RBFOX1: variants seen among roughly 807,000 people sequenced by gnomAD.
RBFOX1 encodes RNA binding fox-1 homolog 1.
In RBFOX1, 8 loss-of-function variants were observed where a neutral mutation model predicts 57.7. The observed-to-expected ratio is 0.14, with a 90% confidence interval of 0.08 to 0.25. The LOEUF (loss-of-function observed/expected upper bound fraction) is 0.25. Ranked by LOEUF, RBFOX1 falls within the 10% of genes least tolerant of loss-of-function variation. The probability of loss-of-function intolerance (pLI) is 1.00; values close to 1 mark genes in which losing one functional copy is unlikely to be tolerated. For missense variants in RBFOX1, 611 were observed against 548.5 expected (o/e 1.11, Z -1.14); for synonymous variants, 326 against 222.4 (o/e 1.47, Z -4.15).
At chr16:7,602,763 T>C (rs1475407822) in intron 9 of RBFOX1, among the ~76,000 whole-genome samples, 1 of 152,164 alleles carries the variant, frequency 6.6e-6, no homozygotes, top group African/African-American at 2.4e-5. Context: ...GAATACCTTT[T>C]CCAACAGCTG....
intron 3 of RBFOX1, among the ~76,000 whole-genome samples, chr16:6,719,510 G>T (rs2065513797): frequency 6.6e-6 from 1 of 150,708 alleles, no homozygotes; most frequent in Admixed American, 6.6e-5. Flanking sequence ...GCATGATCTT[G>T]GCTCACTGTT....
rs2069394383 is a variant in RBFOX1 at position 5,478,078 on chromosome 16, C to T, written c.258+10824C>T. On this transcript the variant is annotated intron_variant, in intron 2 of 2. Coordinates refer to the RBFOX1 transcript ENST00000585867. ...ATGGAGCTGAAATTCTGTGTTCCTC[C>T]ACTTTCCTTGGAGAAGCAGATGACA... 2.0e-5 allele frequency among the ~76,000 whole-genome samples: 3 copies of T among 152,270 alleles called. No homozygotes were observed. The South Asian group carries it at 6.2e-4, about 32-fold the overall frequency.
rs111753651 is a variant in RBFOX1 at position 7,676,152 on chromosome 16, A to G, written c.931-622A>G. On this transcript the variant is annotated intron_variant, in intron 13 of 15. Transcript: ENST00000550418. ...AAACAAATTCTCCGTCTGAAGCAGC[A>G]TGATACATAACCATGTGATATCTTT... is the stretch of plus-strand genomic sequence containing the variant. Among the ~76,000 whole-genome samples, 1,488 of 152,356 alleles carry G rather than the reference A, an allele frequency of 9.8e-3. 30 individuals carry two copies. The highest frequency in any genetic ancestry group is 0.034 in the African/African-American group (1,433 of 41,596).
chr16:6,856,923 G>T (rs1043065045), intron 3 of RBFOX1, among the ~76,000 whole-genome samples: 1 of 152,070 alleles, frequency 6.6e-6, no homozygotes, highest in African/African-American at 2.4e-5. Context: ...GAAAGAGAAA[G>T]AGAAGGAAAG....
intron 2 of RBFOX1, among the ~76,000 whole-genome samples, chr16:5,594,229 C>G (rs1183887249): frequency 6.6e-6 from 1 of 152,128 alleles, no homozygotes; most frequent in South Asian, 2.1e-4. Flanking sequence ...TTTCCACCTC[C>G]TACATCTTTA....
intron 4 of RBFOX1, among the ~76,000 whole-genome samples, chr16:7,174,359 T>C (rs1469304192): frequency 1.3e-5 from 2 of 152,208 alleles, no homozygotes; most frequent in Non-Finnish European, 2.9e-5. Context: ...TTTTAACTAT[T>C]ATGTAGAATG....
At position 7,024,495 on chromosome 16, in the gene RBFOX1, G is replaced by A. The variant is rs11862020; in HGVS notation, c.-15-27562G>A. Among the ~76,000 whole-genome samples, 1,381 of 152,228 alleles carry A rather than the reference G, an allele frequency of 9.1e-3. 23 individuals are homozygous for A. Among genetic ancestry groups the A allele is most frequent in the African/African-American group, 0.031 (1,305 of 41,536 alleles). ...TCTCTCATGCACTTCTTAATAATAA[G>A]CAGTAGTTATAGGCCCTTGTGCAAA... On this transcript the variant is annotated intron_variant, in intron 3 of 15. Transcript: ENST00000550418.
chr16:6,407,189 C>G (rs2093311712), intron 2 of RBFOX1, among the ~76,000 whole-genome samples: 1 of 152,042 alleles, frequency 6.6e-6, no homozygotes, highest in Non-Finnish European at 1.5e-5. Flanking sequence ...GTCTATATGT[C>G]TATACATCTA....
intron 3 of RBFOX1, among the ~76,000 whole-genome samples, chr16:6,796,740 C>G (rs965531991): frequency 6.6e-5 from 10 of 152,112 alleles, no homozygotes; most frequent in Non-Finnish European, 1.2e-4. Flanking sequence ...ATTTATGATC[C>G]TAAACGCCCC....
intron 3 of RBFOX1, among the ~76,000 whole-genome samples, chr16:6,890,308 CAGG>C (rs2065101211): frequency 6.6e-6 from 1 of 152,132 alleles, no homozygotes; most frequent in Admixed American, 6.5e-5. Flanking sequence ...TGCTTGAGGT[CAGG>C]AGTTCAAGAC....
At chr16:6,766,982 A>C (rs1362463701) in intron 3 of RBFOX1, among the ~76,000 whole-genome samples, 3 of 152,122 alleles carry the variant, frequency 2.0e-5, no homozygotes, top group Non-Finnish European at 4.4e-5. Context: ...AGGCTGAAGG[A>C]ACAACCTTCC....
At chr16:6,562,832 T>TTTTC (rs370685598) in intron 2 of RBFOX1, among the ~76,000 whole-genome samples, 4,826 of 75,572 alleles carry the variant, frequency 0.064, 566 homozygotes, top group Admixed American at 0.087. Flanking sequence ...TTCTTGATTC[T>TTTTC]TTTCTTTCTT....
At chr16:7,523,216 A>G (rs1177079343) in intron 5 of RBFOX1, among the ~76,000 whole-genome samples, 1 of 152,170 alleles carries the variant, frequency 6.6e-6, no homozygotes, top group Non-Finnish European at 1.5e-5. Context: ...GATATGCCAC[A>G]GTTTATTTCT....
At chr16:6,660,438 G>A (rs2098693973) in intron 3 of RBFOX1, among the ~76,000 whole-genome samples, 1 of 152,080 alleles carries the variant, frequency 6.6e-6, no homozygotes, top group African/African-American at 2.4e-5. Flanking sequence ...GTAATGGTTA[G>A]TAGCTCAGAC....
intron 3 of RBFOX1, among the ~76,000 whole-genome samples, chr16:6,944,397 G>GAA (rs199499186): frequency 5.7e-5 from 6 of 106,096 alleles, no homozygotes; most frequent in East Asian, 2.7e-4. Context: ...CCATCTCAGA[G>GAA]AAAAAAAAAA....
At chr16:5,564,490 C>T (rs1002099924) in intron 2 of RBFOX1, among the ~76,000 whole-genome samples, 8 of 152,152 alleles carry the variant, frequency 5.3e-5, no homozygotes, top group South Asian at 2.1e-4. Flanking sequence ...ATAAGAAACC[C>T]TCCTGACATA....
intron 3 of RBFOX1, among the ~76,000 whole-genome samples, chr16:6,815,631 A>G (rs2089902986): frequency 6.6e-6 from 1 of 152,262 alleles, no homozygotes; most frequent in South Asian, 2.1e-4. Context: ...CAAATGAGTG[A>G]CTTTCTCAAG....
intron 3 of RBFOX1, among the ~76,000 whole-genome samples, chr16:6,823,946 G>C (rs2091747327): frequency 6.6e-6 from 1 of 152,162 alleles, no homozygotes; most frequent in African/African-American, 2.4e-5. Flanking sequence ...ACGGTGTCCT[G>C]GAAGAGGTGG....
At chr16:6,843,158 A>G in intron 3 of RBFOX1, among the ~76,000 whole-genome samples, 1 of 152,110 alleles carries the variant, frequency 6.6e-6, no homozygotes, top group Non-Finnish European at 1.5e-5. Flanking sequence ...TAAGCATATG[A>G]TTCTCTGAGC....
Sources: allele counts gnomAD v4.1 joint callset (sites outside exome capture counted in the v4.1 genomes callset), GRCh38; gene constraint gnomAD v4.1.1; transcripts MANE v1.5; gene names NCBI Gene and HGNC (gene_info 2026-07-23, HGNC 2026-07-21).